SGCZ: variants seen among roughly 807,000 people sequenced by gnomAD.
SGCZ encodes zeta-sarcoglycan.
A neutral mutation model predicts 41.3 loss-of-function variants in SGCZ; 40 were observed. The observed-to-expected ratio is 0.97, with a 90% CI of 0.75 to 1.26. The LOEUF (loss-of-function observed/expected upper bound fraction) is 1.26. Ranked by LOEUF, SGCZ falls within the 50% of genes most tolerant of loss-of-function variation. The pLI, the probability that SGCZ is intolerant of heterozygous loss-of-function variation, is 0.00. For missense variants in SGCZ, 552 were observed against 369.8 expected (o/e 1.49, Z -4.04); for synonymous variants, 206 against 137.5 (o/e 1.50, Z -3.49).
intron 5 of SGCZ, among the ~76,000 whole-genome samples, chr8:14,130,433 C>T (rs765975445): frequency 2.6e-5 from 4 of 152,076 alleles, no homozygotes; most frequent in Middle Eastern, 3.2e-3. Context: ...CTTCCTTCCA[C>T]GATGTGAGCA....
At chr8:14,878,836 A>G (rs1804466973) in intron 1 of SGCZ, among the ~76,000 whole-genome samples, 2 of 152,220 alleles carry the variant, frequency 1.3e-5, no homozygotes, top group Non-Finnish European at 2.9e-5. Context: ...AAAAGAGAGC[A>G]TAGTTTCAAG....
chr8:14,255,546 T>A (rs1211013749), intron 3 of SGCZ, among the ~76,000 whole-genome samples: 1 of 150,014 alleles, frequency 6.7e-6, no homozygotes, highest in African/African-American at 2.5e-5. Flanking sequence ...TATAAATTTG[T>A]TTTATCATCG....
chr8:15,173,915 GCAAAGTCT>G (rs1799921893), intron 1 of SGCZ, among the ~76,000 whole-genome samples: 1 of 151,964 alleles, frequency 6.6e-6, no homozygotes, highest in Admixed American at 6.6e-5. Context: ...TTTAATAGAG[GCAAAGTCT>G]CACTACATTA....
intron 1 of SGCZ, among the ~76,000 whole-genome samples, chr8:15,153,080 AAAAGAG>A (rs1799228429): frequency 6.6e-6 from 1 of 152,232 alleles, no homozygotes; most frequent in African/African-American, 2.4e-5. Flanking sequence ...TAAACCAAAG[AAAAGAG>A]AAAATCATTT....
At chr8:14,868,266 G>C (rs999859449) in intron 1 of SGCZ, among the ~76,000 whole-genome samples, 1 of 152,078 alleles carries the variant, frequency 6.6e-6, no homozygotes, top group Non-Finnish European at 1.5e-5. Flanking sequence ...CTCCCTCCTT[G>C]GTAAGCTCTG....
chr8:14,266,249 T>C (rs1799860673), intron 3 of SGCZ, among the ~76,000 whole-genome samples: 1 of 152,086 alleles, frequency 6.6e-6, no homozygotes, highest in Non-Finnish European at 1.5e-5. Flanking sequence ...TCCATTACTA[T>C]GGGGCAGGGA....
At chr8:15,054,881 G>C (rs1194531953) in intron 1 of SGCZ, among the ~76,000 whole-genome samples, 1 of 150,516 alleles carries the variant, frequency 6.6e-6, no homozygotes, top group African/African-American at 2.4e-5. Context: ...AGAATGGCGT[G>C]AACCTAGGAG....
chr8:14,868,366 C>A (rs1804010049), intron 1 of SGCZ, among the ~76,000 whole-genome samples: 1 of 152,110 alleles, frequency 6.6e-6, no homozygotes, highest in Non-Finnish European at 1.5e-5. Flanking sequence ...TTTAAGCCAC[C>A]AGTACAGCCA....
At chr8:14,406,270 A>G (rs1799209647) in intron 2 of SGCZ, among the ~76,000 whole-genome samples, 1 of 152,066 alleles carries the variant, frequency 6.6e-6, no homozygotes. Context: ...AGGCTCCCTT[A>G]GTCAGTCAAT....
chr8:14,501,830 G>C (rs896207552), intron 2 of SGCZ, among the ~76,000 whole-genome samples: 4 of 151,756 alleles, frequency 2.6e-5, no homozygotes, highest in African/African-American at 9.7e-5. Flanking sequence ...ACATATAATA[G>C]GATGAGGTAA....
chr8:14,766,665 G>T (rs1800044565), intron 1 of SGCZ, among the ~76,000 whole-genome samples: 1 of 150,516 alleles, frequency 6.6e-6, no homozygotes, highest in Non-Finnish European at 1.5e-5. Context: ...AGGCTCAAGC[G>T]ATTCTTTCAC....
chr8:14,456,031 G>A (rs995543675), intron 2 of SGCZ, among the ~76,000 whole-genome samples: 1 of 152,162 alleles, frequency 6.6e-6, no homozygotes, highest in Non-Finnish European at 1.5e-5. Flanking sequence ...CCATTTTGGG[G>A]GGAAGGTGAA....
chr8:14,367,499 C>A (rs573813795), intron 2 of SGCZ, among the ~76,000 whole-genome samples: 3 of 151,918 alleles, frequency 2.0e-5, no homozygotes, highest in African/African-American at 7.3e-5. Context: ...TGAAGAATAC[C>A]CAAAACTAGG....
chr8:14,256,966 A>C (rs1022042304), intron 3 of SGCZ, among the ~76,000 whole-genome samples: 1 of 152,166 alleles, frequency 6.6e-6, no homozygotes, highest in African/African-American at 2.4e-5. Flanking sequence ...CTTCTTCAAA[A>C]TCACTTTTAT....
chr8:14,903,056 G>C (rs979479572), intron 1 of SGCZ, among the ~76,000 whole-genome samples: 2 of 152,094 alleles, frequency 1.3e-5, no homozygotes, highest in African/African-American at 2.4e-5. Flanking sequence ...TTGCTCCTGA[G>C]ACGATGCCAC....
intron 1 of SGCZ, among the ~76,000 whole-genome samples, chr8:15,184,862 G>A (rs1296789881): frequency 6.6e-6 from 1 of 151,922 alleles, no homozygotes; most frequent in African/African-American, 2.4e-5. Flanking sequence ...CATTCATCAC[G>A]CGTTCCCTTT....
chr8:15,009,928 G>T (rs1802766610), intron 1 of SGCZ, among the ~76,000 whole-genome samples: 1 of 152,022 alleles, frequency 6.6e-6, no homozygotes, highest in Non-Finnish European at 1.5e-5. Flanking sequence ...GAAGTCTTCT[G>T]CTATCTTTCT....
At chr8:14,341,155 A>G (rs925877793) in intron 2 of SGCZ, among the ~76,000 whole-genome samples, 6 of 152,096 alleles carry the variant, frequency 3.9e-5, no homozygotes, top group Non-Finnish European at 5.9e-5. Context: ...TATATACCAT[A>G]TTTTATGTAT....
At chr8:14,200,247 T>G (rs532971791) in intron 4 of SGCZ, among the ~76,000 whole-genome samples, 2 of 152,330 alleles carry the variant, frequency 1.3e-5, no homozygotes, top group South Asian at 2.1e-4. Context: ...ACTGTGTTCA[T>G]GGATTAAAAG....
Sources: gnomAD v4.1 joint callset for allele counts (sites outside exome capture counted in the v4.1 genomes callset) on GRCh38, gnomAD v4.1.1 for gene constraint, MANE v1.5 for transcripts, NCBI Gene and HGNC (gene_info 2026-07-23, HGNC 2026-07-21) for gene names.